Variants in PAX5 observed in about 807,000 individuals in gnomAD.
PAX5 encodes paired box 5.
Under a neutral mutation model 43.7 loss-of-function variants are expected in PAX5, and 9 were observed. The ratio of observed to expected loss-of-function variants is 0.21; its 90% CI spans 0.12 to 0.36. The LOEUF is 0.36. Ranked by LOEUF, PAX5 falls within the 10% of genes least tolerant of loss-of-function variation. PAX5 has a pLI of 1.00. For synonymous variants in PAX5, 228 were observed against 214.3 expected, an observed-to-expected ratio of 1.06 and a Z score of -0.56; for missense variants, 383 against 532.7, an observed-to-expected ratio of 0.72 and a Z score of 2.77.
chr9:36,905,716 G>GA (rs1197936819), intron 7 of PAX5, among the ~76,000 whole-genome samples: 13 of 151,832 alleles, frequency 8.6e-5, no homozygotes, highest in African/African-American at 2.4e-4. Context: ...ATAGGAGAGG[G>GA]AAAAAAAAGA....
intron 6 of PAX5, among the ~76,000 whole-genome samples, chr9:36,934,396 T>C (rs535882911): frequency 6.6e-6 from 1 of 152,300 alleles, no homozygotes; most frequent in Admixed American, 6.5e-5. Flanking sequence ...ATCCTTGCAG[T>C]GGTAGAAATA....
At chr9:36,961,016 A>C (rs1358438048) in intron 6 of PAX5, among the ~76,000 whole-genome samples, 1 of 151,946 alleles carries the variant, frequency 6.6e-6, no homozygotes, top group Non-Finnish European at 1.5e-5. Flanking sequence ...TCTCCTCCTC[A>C]TGGTGGGACA....
rs1336960428 is a variant in PAX5 at position 36,923,150 on chromosome 9, C to T, written c.910+205G>A. 5 of 559,616 alleles carry T rather than the reference C, an allele frequency of 8.9e-6. No homozygotes were observed. In the Admixed American group the frequency reaches 1.6e-4, roughly 17 times the overall value. The allele number at this position is 559,616 out of a possible 1,614,324, so 34.7% of individuals were successfully genotyped here. A position where few individuals can be genotyped will look rare whatever the true frequency, so the allele number is the denominator to read the frequency against. On this transcript the variant is annotated intron_variant, in intron 7 of 9. Coordinates refer to ENST00000358127, the MANE Select transcript of PAX5 (RefSeq NM_016734.3). Reference sequence around the variant, plus strand: ...CAGTCCATTTGGCATTTGTTCTCCCCAGCTTTGTTGGAATCATATCCAGCC... The same window carrying T: ...CAGTCCATTTGGCATTTGTTCTCCCTAGCTTTGTTGGAATCATATCCAGCC...
intron 6 of PAX5, among the ~76,000 whole-genome samples, chr9:36,945,475 A>T (rs1006059498): frequency 2.6e-5 from 4 of 152,220 alleles, no homozygotes; most frequent in Non-Finnish European, 5.9e-5. Context: ...TCCTGGGTTC[A>T]AGTGATCTTC....
intron 6 of PAX5, among the ~76,000 whole-genome samples, chr9:36,946,355 C>A (rs529348880): frequency 3.3e-5 from 5 of 152,304 alleles, no homozygotes; most frequent in South Asian, 2.1e-4. Flanking sequence ...AATCAGGGAA[C>A]TTTTCATGGG....
chr9:36,934,970 C>A (rs145991069), intron 6 of PAX5, among the ~76,000 whole-genome samples: 1 of 152,340 alleles, frequency 6.6e-6, no homozygotes, highest in African/African-American at 2.4e-5. Context: ...CCCAGGGTCA[C>A]TGAGAGGATA....
At chr9:36,943,550 A>T (rs897209945) in intron 6 of PAX5, among the ~76,000 whole-genome samples, 2 of 151,916 alleles carry the variant, frequency 1.3e-5, no homozygotes, top group African/African-American at 4.8e-5. Context: ...ACACACACAC[A>T]CACACACACA....
intron 8 of PAX5, among the ~76,000 whole-genome samples, chr9:36,868,786 C>T (rs1486886512): frequency 1.3e-5 from 2 of 152,188 alleles, no homozygotes; most frequent in East Asian, 1.9e-4. Context: ...CCCTGACTGG[C>T]TATCCCCCTG....
Position 36,875,836 on chromosome 9 carries a change from C to T in PAX5, c.1012+6168G>A, listed in dbSNP as rs549357393. Among the ~76,000 whole-genome samples the T allele has an allele frequency of 8.5e-5, 13 of 152,302 alleles. No individual in the cohort carries two copies. In the East Asian group the frequency reaches 2.3e-3, roughly 27 times the overall value. ...GCAGCAACAAGCTAGGACAAGAAAG[C>T]AAATCATTCCCTCCTAGCACCTCCA... On this transcript the variant is annotated intron_variant, in intron 8 of 9. Coordinates refer to ENST00000358127, the MANE Select transcript of PAX5 (RefSeq NM_016734.3).
intron 6 of PAX5, among the ~76,000 whole-genome samples, chr9:36,938,623 AC>A (rs1366422019): frequency 1.3e-5 from 2 of 152,086 alleles, no homozygotes; most frequent in African/African-American, 4.8e-5. Flanking sequence ...GCCCTGGAAA[AC>A]CCTGGAATAT....
At chr9:36,944,190 AT>A (rs1832307717) in intron 6 of PAX5, among the ~76,000 whole-genome samples, 1 of 152,058 alleles carries the variant, frequency 6.6e-6, no homozygotes, top group South Asian at 2.1e-4. Flanking sequence ...TCTCAAAAAA[AT>A]AAAAGCTGAT....
At chr9:36,952,134 A>G (rs954761622) in intron 6 of PAX5, among the ~76,000 whole-genome samples, 11 of 150,630 alleles carry the variant, frequency 7.3e-5, no homozygotes, top group African/African-American at 2.2e-4. Flanking sequence ...GGTTACCATC[A>G]CTTCTTAAAT....
intron 5 of PAX5, among the ~76,000 whole-genome samples, chr9:36,981,357 C>G (rs1835917024): frequency 6.8e-6 from 1 of 146,282 alleles, no homozygotes; most frequent in African/African-American, 2.5e-5. Context: ...TGCTGTGTCC[C>G]CAGCAACTAG....
chr9:36,988,175 G>A (rs1836616720), intron 5 of PAX5, among the ~76,000 whole-genome samples: 1 of 152,180 alleles, frequency 6.6e-6, no homozygotes, highest in African/African-American at 2.4e-5. Flanking sequence ...GCTGAGTCAG[G>A]ATGAGAAACC....
chr9:36,922,103 G>A (rs1830216876), intron 7 of PAX5, among the ~76,000 whole-genome samples: 1 of 152,198 alleles, frequency 6.6e-6, no homozygotes, highest in Admixed American at 6.5e-5. Flanking sequence ...GGTGCTCAGA[G>A]CTGCAAATAG....
intron 8 of PAX5, among the ~76,000 whole-genome samples, chr9:36,864,991 C>T (rs1442973164): frequency 6.6e-6 from 1 of 152,218 alleles, no homozygotes; most frequent in East Asian, 1.9e-4. Context: ...AGAGGCACCG[C>T]GGCCTTCCCG....
intron 5 of PAX5, among the ~76,000 whole-genome samples, chr9:36,977,509 G>GT (rs199528410): frequency 0.011 from 1,657 of 150,826 alleles, 28 homozygotes; most frequent in African/African-American, 0.029. Flanking sequence ...TTTTTTGTTT[G>GT]TTTTTTTTGG....
intron 8 of PAX5, among the ~76,000 whole-genome samples, chr9:36,852,508 G>A (rs183118776): frequency 2.6e-5 from 4 of 152,314 alleles, no homozygotes; most frequent in Admixed American, 2.6e-4. Context: ...AAATGACGGC[G>A]AGACTAGAAA....
intron 8 of PAX5, among the ~76,000 whole-genome samples, chr9:36,871,911 C>T (rs138641321): frequency 2.6e-4 from 40 of 152,348 alleles, no homozygotes; most frequent in African/African-American, 9.4e-4. Context: ...CTCAGCTGTC[C>T]TTGCAATGGG....
Sources: gnomAD v4.1 joint callset for allele counts (sites outside exome capture counted in the v4.1 genomes callset) on GRCh38, gnomAD v4.1.1 for gene constraint, MANE v1.5 for transcripts, NCBI Gene and HGNC (gene_info 2026-07-23, HGNC 2026-07-21) for gene names.